Variants in LOC400499 observed in about 807,000 individuals in gnomAD.
At chr16:11,502,217 G>C in the LOC400499 span, 1 of 398,942 alleles carries the variant, frequency 2.5e-6, no homozygotes, top group Non-Finnish European at 4.4e-6. Flanking sequence ...ACACCCAGCA[G>C]TGCGGGGGAT....
At chr16:11,449,082 T>G in the LOC400499 span, 88 of 1,476,170 alleles carry the variant, frequency 6.0e-5, no homozygotes, top group Non-Finnish European at 7.4e-5. Context: ...GAAGAGGCTC[T>G]GTGCCAAGAC....
the LOC400499 span, among the ~76,000 whole-genome samples, chr16:11,466,641 G>A: frequency 2.0e-5 from 3 of 151,944 alleles, no homozygotes; most frequent in Non-Finnish European, 4.4e-5. Flanking sequence ...CACCTTTCTC[G>A]GCCTCCCAAA....
chr16:11,510,589 A>T, the LOC400499 span, among the ~76,000 whole-genome samples: 2 of 151,480 alleles, frequency 1.3e-5, no homozygotes, highest in African/African-American at 4.9e-5. Context: ...CTTTTTCCCC[A>T]TCAATGATTT....
chr16:11,469,765 G>C, the LOC400499 span: 4 of 397,938 alleles, frequency 1.0e-5, no homozygotes, highest in African/African-American at 8.2e-5. Context: ...GAATTTCTCA[G>C]GCTTGAAAAC....
chr16:11,525,024 C>A, the LOC400499 span, among the ~76,000 whole-genome samples: 5 of 152,140 alleles, frequency 3.3e-5, no homozygotes, highest in Non-Finnish European at 7.3e-5. Flanking sequence ...GTGGCTCATG[C>A]CTGTAATCCC....
At chr16:11,504,699 G>C in the LOC400499 span, among the ~76,000 whole-genome samples, 65 of 152,258 alleles carry the variant, frequency 4.3e-4, no homozygotes, top group East Asian at 0.012. Context: ...GAGGCAGGCA[G>C]ATCACTTGCG....
At chr16:11,420,883 T>C in the LOC400499 span, among the ~76,000 whole-genome samples, 264 of 152,314 alleles carry the variant, frequency 1.7e-3, no homozygotes, top group African/African-American at 5.5e-3. Flanking sequence ...AGCCCTGCTC[T>C]AGGCAGAAGG....
the LOC400499 span, among the ~76,000 whole-genome samples, chr16:11,432,452 T>C: frequency 6.6e-6 from 1 of 152,134 alleles, no homozygotes; most frequent in Non-Finnish European, 1.5e-5. Flanking sequence ...AATATACAGA[T>C]GAGGAAACAG....
the LOC400499 span, among the ~76,000 whole-genome samples, chr16:11,389,880 G>A: frequency 6.6e-5 from 10 of 152,182 alleles, no homozygotes; most frequent in Non-Finnish European, 8.8e-5. Context: ...CAGCCACTGC[G>A]CTCTCTGCAG....
chr16:11,448,780 T>C, the LOC400499 span: 22 of 506,112 alleles, frequency 4.3e-5, no homozygotes, highest in Admixed American at 3.8e-4. Context: ...GAAAGAGAAA[T>C]AGAGGCTCCA....
the LOC400499 span, chr16:11,407,067 G>T: frequency 2.5e-6 from 1 of 394,196 alleles, no homozygotes; most frequent in Non-Finnish European, 4.5e-6. Flanking sequence ...CCAGCACATT[G>T]TGTCCATTTC....
At chr16:11,491,678 C>G in the LOC400499 span, 1 of 395,068 alleles carries the variant, frequency 2.5e-6, no homozygotes, top group Non-Finnish European at 4.5e-6. Context: ...CACACCCCTC[C>G]CACACACACA....
At chr16:11,407,390 G>A in the LOC400499 span, 1 of 398,082 alleles carries the variant, frequency 2.5e-6, no homozygotes, top group South Asian at 1.3e-4. Context: ...CTCCTCATCA[G>A]GGCTCTGATG....
the LOC400499 span, among the ~76,000 whole-genome samples, chr16:11,487,995 T>C: frequency 1.3e-5 from 2 of 151,780 alleles, no homozygotes; most frequent in African/African-American, 2.4e-5. Flanking sequence ...TGCGCGCCTG[T>C]AGTCCCAGCT....
At chr16:11,400,392 A>G in the LOC400499 span, among the ~76,000 whole-genome samples, 5 of 148,548 alleles carry the variant, frequency 3.4e-5, no homozygotes, top group African/African-American at 1.2e-4. Flanking sequence ...CACCCACCTT[A>G]CAGTTGCTGC....
At chr16:11,396,818 C>T in the LOC400499 span, 9 of 651,808 alleles carry the variant, frequency 1.4e-5, no homozygotes, top group East Asian at 3.4e-5. Flanking sequence ...CTCTAAGAAA[C>T]GCAAATCAGA....
the LOC400499 span, chr16:11,501,092 G>T: frequency 2.8e-6 from 1 of 362,102 alleles, no homozygotes; most frequent in African/African-American, 2.6e-5. Context: ...TCACACCTTG[G>T]GAGGGGCTGA....
chr16:11,505,172 T>C, the LOC400499 span, among the ~76,000 whole-genome samples: 2 of 151,902 alleles, frequency 1.3e-5, no homozygotes, highest in Non-Finnish European at 2.9e-5. Flanking sequence ...AAGTCCTGAT[T>C]TGTAGCATTT....
At chr16:11,452,132 T>C in the LOC400499 span, among the ~76,000 whole-genome samples, 1 of 152,118 alleles carries the variant, frequency 6.6e-6, no homozygotes, top group South Asian at 2.1e-4. Context: ...TATTTCACTT[T>C]ATAGATCACA....
Sources: gnomAD v4.1 joint callset for allele counts (sites outside exome capture counted in the v4.1 genomes callset) on GRCh38, gnomAD v4.1.1 for gene constraint, MANE v1.5 for transcripts.